The following TP63 variants were observed in gnomAD, a reference collection of about 807,000 sequenced individuals.
The protein encoded by TP63 is tumor protein 63.
TP63 carries 17 observed loss-of-function variants against 82.8 expected under a neutral mutation model. The observed-to-expected ratio is 0.21, with a 90% CI of 0.14 to 0.31. The LOEUF (loss-of-function observed/expected upper bound fraction) is 0.31, where lower values mean the gene tolerates loss of function less well. TP63 is among the 10% of genes least tolerant of loss of function. TP63 has a pLI of 1.00. For synonymous variants in TP63, 330 were observed against 321.7 expected (o/e 1.03, Z -0.28); for missense variants, 648 against 895.3 (o/e 0.72, Z 3.52).
intron 3 of TP63, among the ~76,000 whole-genome samples, chr3:189,741,042 T>C (rs531667905): frequency 2.6e-4 from 40 of 152,130 alleles, no homozygotes; most frequent in Admixed American, 1.6e-3. Context: ...TAGTAGGAGA[T>C]TCGGAGAGAG....
chr3:189,720,255 A>AGAAT (rs1347107164), intron 1 of TP63, among the ~76,000 whole-genome samples: 1 of 152,224 alleles, frequency 6.6e-6, no homozygotes, highest in Non-Finnish European at 1.5e-5. Context: ...CCAAGGAGGA[A>AGAAT]GAATCATTGA....
At chr3:189,637,777 ATATGT>A (rs1294276372) in intron 1 of TP63, among the ~76,000 whole-genome samples, 1 of 152,150 alleles carries the variant, frequency 6.6e-6, no homozygotes, top group Non-Finnish European at 1.5e-5. Flanking sequence ...GAACCTGTGA[ATATGT>A]TATGTTACAC....
chr3:189,691,095 G>T (rs1310271456), intron 1 of TP63, among the ~76,000 whole-genome samples: 1 of 152,038 alleles, frequency 6.6e-6, no homozygotes, highest in Non-Finnish European at 1.5e-5. Flanking sequence ...CCAGCACTTT[G>T]CAAAGGCTGA....
chr3:189,715,427 A>T (rs573033265), intron 1 of TP63, among the ~76,000 whole-genome samples: 1 of 152,334 alleles, frequency 6.6e-6, no homozygotes, highest in East Asian at 1.9e-4. Flanking sequence ...GATAAGGTAT[A>T]ACATCCAGAT....
chr3:189,723,074 A>G (rs1301336310), intron 1 of TP63, among the ~76,000 whole-genome samples: 2 of 152,118 alleles, frequency 1.3e-5, no homozygotes, highest in Non-Finnish European at 2.9e-5. Flanking sequence ...TTCCAGATGT[A>G]CTCCCAAGTA....
chr3:189,672,676 G>GGAAGGAAT (rs1346624833), intron 1 of TP63, among the ~76,000 whole-genome samples: 1 of 70,618 alleles, frequency 1.4e-5, no homozygotes, highest in Admixed American at 1.3e-4. Flanking sequence ...AAGGAAGGAA[G>GGAAGGAAT]GAAGGAAGGA....
At chr3:189,842,062 C>A (rs533699920) in intron 4 of TP63, among the ~76,000 whole-genome samples, 4 of 152,130 alleles carry the variant, frequency 2.6e-5, no homozygotes, top group Admixed American at 6.5e-5. Context: ...TAGTAGCCCG[C>A]GGTTTTGCAG....
intron 4 of TP63, among the ~76,000 whole-genome samples, chr3:189,836,059 T>G (rs1337768473): frequency 1.3e-5 from 2 of 152,068 alleles, no homozygotes; most frequent in Non-Finnish European, 2.9e-5. Context: ...TGTCTATTCC[T>G]TTGATCACAC....
At chr3:189,737,250 G>T (rs1720660152) in intron 1 of TP63, among the ~76,000 whole-genome samples, 1 of 151,970 alleles carries the variant, frequency 6.6e-6, no homozygotes, top group East Asian at 1.9e-4. Context: ...GGTTATGGGA[G>T]GGATGACTAA....
intron 3 of TP63, among the ~76,000 whole-genome samples, chr3:189,776,689 T>C (rs1723829782): frequency 1.3e-5 from 2 of 152,284 alleles, no homozygotes; most frequent in Admixed American, 6.5e-5. Flanking sequence ...ACTCTCTAAT[T>C]AGCCCTGCAG....
At chr3:189,670,376 T>C (rs1210200417) in intron 1 of TP63, among the ~76,000 whole-genome samples, 1 of 152,088 alleles carries the variant, frequency 6.6e-6, no homozygotes, top group Admixed American at 6.6e-5. Context: ...ACATTCTTTT[T>C]ACCTACCAAG....
chr3:189,631,601 T>G, intron 1 of TP63, 24 bp downstream of exon 1: 1 of 1,612,578 alleles, frequency 6.2e-7, no homozygotes, highest in Non-Finnish European at 8.5e-7. Flanking sequence ...TGACATAACT[T>G]CTCTCAAAAC....
At chr3:189,706,712 A>G (rs752308620) in intron 1 of TP63, among the ~76,000 whole-genome samples, 9 of 152,176 alleles carry the variant, frequency 5.9e-5, no homozygotes, top group African/African-American at 1.7e-4. Context: ...GCTATATCCT[A>G]TGTATCAGCC....
At chr3:189,845,986 C>T (rs561600974) in intron 4 of TP63, among the ~76,000 whole-genome samples, 47 of 151,790 alleles carry the variant, frequency 3.1e-4, no homozygotes, top group African/African-American at 1.0e-3. Flanking sequence ...TGAAAAATTA[C>T]GCAGGTGTGT....
At chr3:189,637,619 A>G (rs1223216293) in intron 1 of TP63, among the ~76,000 whole-genome samples, 1 of 152,206 alleles carries the variant, frequency 6.6e-6, no homozygotes, top group Non-Finnish European at 1.5e-5. Context: ...TCTCTTTAAC[A>G]CAAAACATAG....
chr3:189,822,902 G>A (rs1042437641), intron 4 of TP63, among the ~76,000 whole-genome samples: 1 of 152,174 alleles, frequency 6.6e-6, no homozygotes, highest in South Asian at 2.1e-4. Context: ...AATGGTCAGG[G>A]TTCTCTAGGG....
intron 1 of TP63, among the ~76,000 whole-genome samples, chr3:189,726,944 A>G (rs1434616446): frequency 6.6e-6 from 1 of 152,070 alleles, no homozygotes; most frequent in Non-Finnish European, 1.5e-5. Context: ...TGCTATTGCA[A>G]CTCCTGAATT....
chr3:189,668,963 A>G (rs756836563), intron 1 of TP63, among the ~76,000 whole-genome samples: 1 of 152,068 alleles, frequency 6.6e-6, no homozygotes, highest in Non-Finnish European at 1.5e-5. Flanking sequence ...AAATACAAAG[A>G]AAGTCACACC....
At chr3:189,739,885 G>T (rs6800495) in intron 3 of TP63, among the ~76,000 whole-genome samples, 44,736 of 151,476 alleles carry the variant, frequency 0.3, 6,629 homozygotes, top group African/African-American at 0.33. Flanking sequence ...AGACAGCGGG[G>T]TGTCATAGAG....
Sources: gnomAD v4.1 joint callset for allele counts (sites outside exome capture counted in the v4.1 genomes callset) on GRCh38, gnomAD v4.1.1 for gene constraint, MANE v1.5 for transcripts, NCBI Gene and HGNC (gene_info 2026-07-23, HGNC 2026-07-21) for gene names.